Variants in PRPF39 observed in about 807,000 individuals in gnomAD.
PRPF39 encodes the protein pre-mRNA-processing factor 39.
Under a neutral mutation model 82.1 loss-of-function variants are expected in PRPF39, and 27 were observed. That is an observed-to-expected ratio of 0.33 (90% CI 0.24 to 0.45). The LOEUF is 0.45. Ranked by LOEUF, PRPF39 falls within the 20% of genes least tolerant of loss-of-function variation. PRPF39 has a pLI of 1.00. For missense variants in PRPF39, 581 were observed against 796.9 expected, an observed-to-expected ratio of 0.73 and a Z score of 3.26; for synonymous variants, 261 against 256.4, an observed-to-expected ratio of 1.02 and a Z score of -0.17.
rs1032742918 is a variant in PRPF39, at chr14:45,089,048, T to G, written c.-20+4799T>G. ...AAATATTTTCTCCCATTCTGTAGGT[T>G]GCCTTTTCACTCCACTGATTGTGTC... On this transcript the variant is annotated intron_variant, in intron 1 of 13. Coordinates refer to ENST00000355765, the MANE Select transcript of PRPF39 (RefSeq NM_017922.4). Among the ~76,000 whole-genome samples the G allele has an allele frequency of 6.6e-5, 10 of 152,346 alleles. No homozygotes were observed. In the East Asian group the frequency reaches 1.7e-3, roughly 26 times the overall value.
rs368123329 is a variant in PRPF39 at position 45,086,778 on chromosome 14, T to G, written c.-20+2529T>G. On this transcript the variant is annotated intron_variant, in intron 1 of 13. Transcript: ENST00000355765. ...TAATTTTTTTTTCCTTTTACTCTTG[T>G]TGAGCTGTGATCAGGAAATTTAATA... is the stretch of plus-strand genomic sequence containing the variant. 1.4e-4 allele frequency among the ~76,000 whole-genome samples: 21 copies of G among 152,206 alleles called. No homozygotes were observed. In the East Asian group the frequency reaches 3.7e-3, roughly 27 times the overall value.
intron 2 of PRPF39, 112 bp from the exon 3 acceptor site, chr14:45,095,987 GTTTT>G: frequency 1.0e-6 from 1 of 965,338 alleles, no homozygotes; most frequent in Non-Finnish European, 1.5e-6. Context: ...TGCATGTGGA[GTTTT>G]TAAGCCTGCC....
chr14:45,105,824 T>C (rs898591028), intron 5 of PRPF39, among the ~76,000 whole-genome samples: 15 of 152,108 alleles, frequency 9.9e-5, no homozygotes, highest in Middle Eastern at 3.4e-3. Context: ...GCGCCTGACC[T>C]GTTTGCTTAC....
chr14:45,097,109 C>G, intron 4 of PRPF39, 104 bp downstream of exon 4: 2 of 1,385,176 alleles, frequency 1.4e-6, no homozygotes, highest in Admixed American at 3.4e-5. Flanking sequence ...AACTTCTATT[C>G]CATTGTTAAA....
Position 45,107,478 on chromosome 14 carries a change from G to A in PRPF39, c.765G>A (p.Leu255=), listed in dbSNP as rs1163883742. The A allele has an allele frequency of 3.2e-6, 5 of 1,556,732 alleles. No individual in the cohort carries two copies. Among genetic ancestry groups the A allele is most frequent in the Non-Finnish European group, 4.4e-6 (5 of 1,143,982 alleles). ...QRFKEHVQNN[L]PRDLLTGEQF... ...TTAAAGAACATGTACAGAATAATTT[G>A]CCTAGAGATCTTTTAACTGGTGAAC... Residue 255 remains leucine (L), a synonymous_variant, in exon 6 of 14, where the codon TTG becomes TTA. Transcript: ENST00000355765.
chr14:45,110,254 G>C lies in PRPF39; in HGVS notation c.1303+34G>C, dbSNP rs753331258. The C allele has an allele frequency of 1.9e-6, 3 of 1,609,720 alleles. No individual in the cohort carries two copies. The highest frequency in any genetic ancestry group is 2.5e-6 in the Non-Finnish European group (3 of 1,176,990). The stretch of plus-strand genomic sequence containing the variant: ...GGAGAAATTCAGTTGACATTTTTGA[G>C]ATTTTAAGTTATTTCAGGAAACAGT... On this transcript the variant is annotated intron_variant, in intron 9 of 13. Coordinates refer to ENST00000355765, the MANE Select transcript of PRPF39 (RefSeq NM_017922.4). The surrounding 1 kb of genome is among the most constrained non-coding windows in gnomAD (Gnocchi z 4.0).
intron 1 of PRPF39, among the ~76,000 whole-genome samples, chr14:45,084,670 G>A (rs182092336): frequency 2.6e-5 from 4 of 152,252 alleles, no homozygotes; most frequent in East Asian, 1.9e-4. Context: ...GCATGTGAGC[G>A]CCTTGTAGGG....
At chr14:45,114,677 C>CT (rs756738349) in intron 13 of PRPF39, 63 bp downstream of exon 13, 318 of 1,531,148 alleles carry the variant, frequency 2.1e-4, no homozygotes, top group African/African-American at 6.3e-4. Flanking sequence ...AGGATAGTTT[C>CT]TTTTTTTTTA....
intron 5 of PRPF39, among the ~76,000 whole-genome samples, chr14:45,103,548 CT>C (rs1336980400): frequency 2.0e-5 from 3 of 151,468 alleles, no homozygotes; most frequent in Admixed American, 2.0e-4. Flanking sequence ...AAGTAGAAGA[CT>C]TTTATGAAGC....
At chr14:45,098,829 T>A (rs1044577360) in intron 4 of PRPF39, among the ~76,000 whole-genome samples, 3 of 152,214 alleles carry the variant, frequency 2.0e-5, no homozygotes, top group Non-Finnish European at 4.4e-5. Flanking sequence ...TGGGTGAGTT[T>A]ATTATTAGAT....
intron 5 of PRPF39, among the ~76,000 whole-genome samples, chr14:45,103,693 A>G (rs1884444032): frequency 6.6e-6 from 1 of 152,164 alleles, no homozygotes; most frequent in East Asian, 1.9e-4. Flanking sequence ...TTTCTAAGGT[A>G]TAACGACCTA....
Position 45,110,331 on chromosome 14 carries a change from C to A in PRPF39, c.1303+111C>A. 2 of 1,423,632 alleles carry A rather than the reference C, an allele frequency of 1.4e-6. No individual in the cohort carries two copies. The highest frequency in any genetic ancestry group is 9.5e-7 in the Non-Finnish European group (1 of 1,056,226). 88.2% of individuals were successfully genotyped at this position (1,423,632 alleles called of 1,614,324 possible). On this transcript the variant is annotated intron_variant, in intron 9 of 13. Transcript: ENST00000355765. The surrounding 1 kb of genome is among the most constrained non-coding windows in gnomAD (Gnocchi z 4.0). ...TAAAGCAGAGTTTGGCAAACTTTTT[C>A]TCTAAAGGGCCAGATAGTAAAAGCC...
At position 45,095,773 on chromosome 14, in the gene PRPF39, T is replaced by G. The variant is rs575282951; in HGVS notation, c.324+210T>G. Reference sequence around the variant, plus strand: ...GTCAGTAGTGTCAAAGCTTAATGTTTTGTAATAATTGAGGTGTAAATGTGT... The same window carrying G: ...GTCAGTAGTGTCAAAGCTTAATGTTGTGTAATAATTGAGGTGTAAATGTGT... On this transcript the variant is annotated intron_variant, in intron 2 of 13. Transcript: ENST00000355765. 1.2e-4 allele frequency: 82 copies of G among 665,080 alleles called. No individual in the cohort carries two copies. In the African/African-American group the frequency reaches 1.4e-3, roughly 12 times the overall value. 41.2% of individuals were successfully genotyped at this position (665,080 alleles called of 1,614,324 possible).
intron 5 of PRPF39, among the ~76,000 whole-genome samples, chr14:45,105,625 C>T (rs751167699): frequency 1.3e-5 from 2 of 150,104 alleles, no homozygotes; most frequent in African/African-American, 2.5e-5. Context: ...CTCCCAGGTT[C>T]AAGTGATTCT....
At chr14:45,105,726 G>T (rs947087073) in intron 5 of PRPF39, among the ~76,000 whole-genome samples, 1 of 151,636 alleles carries the variant, frequency 6.6e-6, no homozygotes, top group Non-Finnish European at 1.5e-5. Flanking sequence ...GGGTTTCAGC[G>T]TGTTTGCCAG....
At chr14:45,099,688 C>T (rs560339102) in intron 4 of PRPF39, among the ~76,000 whole-genome samples, 17 of 152,260 alleles carry the variant, frequency 1.1e-4, no homozygotes, top group Non-Finnish European at 2.2e-4. Flanking sequence ...TCGTGATCCG[C>T]CCGTCTTGGC....
chr14:45,088,870 T>G (rs1661321325), intron 1 of PRPF39, among the ~76,000 whole-genome samples: 1 of 152,246 alleles, frequency 6.6e-6, no homozygotes, highest in Non-Finnish European at 1.5e-5. Context: ...CCATATACTT[T>G]TACTATGCAA....
Position 45,096,441 on chromosome 14 carries a change from A to G in PRPF39, c.450+213A>G, listed in dbSNP as rs779813471. The G allele has an allele frequency of 1.1e-5, 17 of 1,484,828 alleles. No individual in the cohort carries two copies. In the South Asian group the frequency reaches 1.9e-4, roughly 17 times the overall value. The allele number at this position is 1,484,828 out of a possible 1,614,324, so 92.0% of individuals were successfully genotyped here. On this transcript the variant is annotated intron_variant, in intron 3 of 13. Transcript: ENST00000355765. The stretch of plus-strand genomic sequence containing the variant: ...GTTGGCAGGTGCGTTAAACCTCTAC[A>G]GTTTGTCAAGCTTTGCAGTGCAAGC...
At chr14:45,092,698 C>T (rs1051865124) in intron 1 of PRPF39, among the ~76,000 whole-genome samples, 4 of 148,836 alleles carry the variant, frequency 2.7e-5, no homozygotes, top group African/African-American at 7.4e-5. Context: ...TACCCACAAA[C>T]AAGTTTCTGT....
Sources: allele counts gnomAD v4.1 joint callset (sites outside exome capture counted in the v4.1 genomes callset), GRCh38; gene constraint gnomAD v4.1.1; non-coding constraint Gnocchi (gnomAD v3.1); transcripts MANE v1.5; gene names NCBI Gene and HGNC (gene_info 2026-07-23, HGNC 2026-07-21).